Variants in DCLK1 observed in about 807,000 individuals in gnomAD.
DCLK1 encodes the protein doublecortin like kinase 1.
In DCLK1, 16 loss-of-function variants were observed where a neutral mutation model predicts 86.2. The ratio of observed to expected loss-of-function variants is 0.19; its 90% CI spans 0.13 to 0.28. DCLK1 has a LOEUF of 0.28. DCLK1 is among the 10% of genes least tolerant of loss of function. The pLI is 1.00. For missense variants in DCLK1, 590 were observed against 940.2 expected, an observed-to-expected ratio of 0.63 and a Z score of 4.87; for synonymous variants, 369 against 370.5, an observed-to-expected ratio of 1.00 and a Z score of 0.05.
At chr13:35,927,370 T>A (rs1196460390) in intron 4 of DCLK1, among the ~76,000 whole-genome samples, 1 of 152,234 alleles carries the variant, frequency 6.6e-6, no homozygotes, top group East Asian at 1.9e-4. Flanking sequence ...ATGACCTTTA[T>A]GCAGAAATCA....
chr13:36,070,627 T>C (rs1187008123), intron 3 of DCLK1, among the ~76,000 whole-genome samples: 2 of 134,482 alleles, frequency 1.5e-5, no homozygotes, highest in Non-Finnish European at 1.6e-5. Flanking sequence ...CCCATCTTTA[T>C]TTATTTTTTT....
chr13:35,805,927 T>C, intron 14 of DCLK1, 148 bp from the exon 15 acceptor site: 1 of 548,028 alleles, frequency 1.8e-6, no homozygotes, highest in Non-Finnish European at 3.0e-6. Context: ...CTGTGGCTAT[T>C]TATCACCTTC....
chr13:36,114,783 A>C (rs1306730366), intron 2 of DCLK1, among the ~76,000 whole-genome samples: 1 of 152,214 alleles, frequency 6.6e-6, no homozygotes, highest in Non-Finnish European at 1.5e-5. Context: ...TTTTCAATTC[A>C]TGGGCTAATT....
intron 16 of DCLK1, among the ~76,000 whole-genome samples, chr13:35,784,382 TAAA>T (rs2086583644): frequency 6.6e-6 from 1 of 152,114 alleles, no homozygotes; most frequent in Non-Finnish European, 1.5e-5. Flanking sequence ...GAAAACAAAA[TAAA>T]AGAAAATAAA....
In DCLK1 at chr13:35,839,897, C is replaced by T. The variant is rs1398025322; in HGVS notation, c.1036-721G>A. Reference sequence around the variant, plus strand: ...ACCAAATATTTAATATTATGATTGGCTATGGGGCAGTACTTTAACAATGAA... The same window carrying T: ...ACCAAATATTTAATATTATGATTGGTTATGGGGCAGTACTTTAACAATGAA... On this transcript the variant is annotated intron_variant, in intron 6 of 16. Transcript: ENST00000360631. 3.3e-5 allele frequency among the ~76,000 whole-genome samples: 5 copies of T among 152,208 alleles called. No individual in the cohort carries two copies. The South Asian group carries it at 6.2e-4, about 19-fold the overall frequency.
chr13:35,859,798 T>G (rs1871280291), intron 5 of DCLK1, among the ~76,000 whole-genome samples: 1 of 152,238 alleles, frequency 6.6e-6, no homozygotes, highest in African/African-American at 2.4e-5. Context: ...AACATCAAAG[T>G]TACTTTAAAA....
chr13:35,820,581 G>A (rs1265603165), intron 11 of DCLK1, among the ~76,000 whole-genome samples: 10 of 152,138 alleles, frequency 6.6e-5, no homozygotes, highest in Admixed American at 6.6e-4. Flanking sequence ...ACAAAACTGA[G>A]CAGCAAAAGC....
At chr13:35,903,340 G>A (rs1249881669) in intron 4 of DCLK1, among the ~76,000 whole-genome samples, 1 of 152,198 alleles carries the variant, frequency 6.6e-6, no homozygotes, top group Admixed American at 6.5e-5. Context: ...ACTGCTTACA[G>A]AAACCTTGCT....
intron 3 of DCLK1, among the ~76,000 whole-genome samples, chr13:36,074,399 G>A: frequency 6.9e-6 from 1 of 145,050 alleles, no homozygotes; most frequent in Admixed American, 7.2e-5. Flanking sequence ...TGAGGCAGGA[G>A]AATGGCGTGA....
At chr13:35,916,841 G>A (rs1037062007) in intron 4 of DCLK1, among the ~76,000 whole-genome samples, 2 of 152,106 alleles carry the variant, frequency 1.3e-5, no homozygotes, top group Admixed American at 1.3e-4. Context: ...GGGCATTCAG[G>A]AGGCAGCATG....
chr13:35,947,464 G>C lies in DCLK1; in HGVS notation c.724-7C>G, dbSNP rs757541045. ...AGTCCTGAAGGCACATCACCTACAA[G>C]AGAAAAGCATGGCACTCAGCAAGGG... is the stretch of plus-strand genomic sequence containing the variant. On this transcript the variant is annotated splice_polypyrimidine_tract_variant and splice_region_variant and intron_variant, in intron 3 of 16. Transcript: ENST00000360631. The C allele has an allele frequency of 6.2e-7, 1 of 1,611,904 alleles. No individual in the cohort carries two copies. Among genetic ancestry groups the C allele is most frequent in the South Asian group, 1.1e-5 (1 of 90,964 alleles).
chr13:35,920,425 T>G (rs915999729), intron 4 of DCLK1, among the ~76,000 whole-genome samples: 1 of 152,206 alleles, frequency 6.6e-6, no homozygotes. Flanking sequence ...CTCAGTAGTG[T>G]GTTTCAAGTG....
intron 6 of DCLK1, among the ~76,000 whole-genome samples, chr13:35,843,884 C>G (rs1869993306): frequency 6.6e-6 from 1 of 152,122 alleles, no homozygotes; most frequent in Non-Finnish European, 1.5e-5. Flanking sequence ...AAACAGTTGT[C>G]TTGGTGATCT....
At chr13:35,925,633 T>A (rs1017540473) in intron 4 of DCLK1, among the ~76,000 whole-genome samples, 1 of 152,242 alleles carries the variant, frequency 6.6e-6, no homozygotes, top group Non-Finnish European at 1.5e-5. Context: ...CATGTCCATT[T>A]TCAGTGCATT....
intron 3 of DCLK1, among the ~76,000 whole-genome samples, chr13:36,000,923 T>C (rs1388100139): frequency 3.9e-5 from 6 of 152,028 alleles, no homozygotes; most frequent in African/African-American, 1.4e-4. Context: ...ACTCTACACA[T>C]TGCTATAAAA....
intron 16 of DCLK1, among the ~76,000 whole-genome samples, chr13:35,787,121 T>A (rs1378043878): frequency 6.6e-6 from 1 of 151,214 alleles, no homozygotes; most frequent in East Asian, 1.9e-4. Flanking sequence ...ACATTATGTA[T>A]AACATATATA....
intron 4 of DCLK1, among the ~76,000 whole-genome samples, chr13:35,919,308 C>T (rs971571007): frequency 7.2e-5 from 11 of 152,110 alleles, no homozygotes; most frequent in African/African-American, 2.7e-4. Context: ...TATTCCTTTG[C>T]CTCAGGAAGA....
intron 4 of DCLK1, among the ~76,000 whole-genome samples, chr13:35,910,127 G>A (rs1874927448): frequency 6.6e-6 from 1 of 152,114 alleles, no homozygotes; most frequent in South Asian, 2.1e-4. Flanking sequence ...ATTTATCAAG[G>A]AGACAAAACA....
At chr13:35,846,373 C>T in intron 6 of DCLK1, 2 of 985,278 alleles carry the variant, frequency 2.0e-6, no homozygotes, top group Non-Finnish European at 2.4e-6. Flanking sequence ...TACTTCTTTG[C>T]CTATAACTTT....
Sources: allele counts gnomAD v4.1 joint callset (sites outside exome capture counted in the v4.1 genomes callset), GRCh38; gene constraint gnomAD v4.1.1; transcripts MANE v1.5; gene names NCBI Gene and HGNC (gene_info 2026-07-23, HGNC 2026-07-21).